Variants in C1orf87 observed in about 807,000 individuals in gnomAD.
C1orf87 encodes the protein chromosome 1 open reading frame 87.
Under a neutral mutation model 60.5 loss-of-function variants are expected in C1orf87, and 58 were observed. The observed-to-expected ratio is 0.96, with a 90% CI of 0.78 to 1.19. The LOEUF is 1.19. Among genes scored for constraint, C1orf87 ranks in the 50% most tolerant of loss-of-function variants. The pLI is 0.00. For synonymous variants in C1orf87, 236 were observed against 227.4 expected, an observed-to-expected ratio of 1.04 and a Z score of -0.34; for missense variants, 673 against 638.6, an observed-to-expected ratio of 1.05 and a Z score of -0.58.
chr1:59,995,950 C>T (rs1490465321), intron 11 of C1orf87, among the ~76,000 whole-genome samples: 2 of 152,212 alleles, frequency 1.3e-5, no homozygotes, highest in Non-Finnish European at 2.9e-5. Flanking sequence ...ATGTCTCATC[C>T]TTTCTGGTTT....
At chr1:59,999,270 G>A (rs1644984869) in intron 10 of C1orf87, among the ~76,000 whole-genome samples, 2 of 152,126 alleles carry the variant, frequency 1.3e-5, no homozygotes, top group South Asian at 4.1e-4. Context: ...CAAACAACCA[G>A]TACGTCTTAA....
At chr1:59,991,870 A>G (rs1381690042) in intron 11 of C1orf87, among the ~76,000 whole-genome samples, 1 of 152,198 alleles carries the variant, frequency 6.6e-6, no homozygotes, top group African/African-American at 2.4e-5. Flanking sequence ...TAACTCACTC[A>G]TAAGCCCCTA....
chr1:60,016,366 A>G (rs1262976679), intron 8 of C1orf87, among the ~76,000 whole-genome samples: 1 of 152,116 alleles, frequency 6.6e-6, no homozygotes, highest in Non-Finnish European at 1.5e-5. Flanking sequence ...CAATCAAGTC[A>G]AGGGGTTATT....
At chr1:60,036,183 TAAAGGAAG>T (rs951816327) in intron 6 of C1orf87, among the ~76,000 whole-genome samples, 4 of 152,142 alleles carry the variant, frequency 2.6e-5, no homozygotes, top group African/African-American at 4.8e-5. Context: ...CCATGAGCCC[TAAAGGAAG>T]AGACTAGGCT....
intron 11 of C1orf87, among the ~76,000 whole-genome samples, chr1:59,993,980 A>T (rs1478642618): frequency 1.3e-5 from 2 of 152,016 alleles, no homozygotes; most frequent in African/African-American, 4.8e-5. Flanking sequence ...GCTGGTCTCG[A>T]ACTCCTGACC....
chr1:60,035,787 G>A lies in C1orf87; in HGVS notation c.864-2146C>T, dbSNP rs139948602. Among the ~76,000 whole-genome samples the A allele has an allele frequency of 7.9e-5, 12 of 152,314 alleles. No individual in the cohort carries two copies. The East Asian group carries it at 2.3e-3, about 29-fold the overall frequency. Reference sequence around the variant, plus strand: ...ATTATTGAGCATCTTCTGTATGCCAGGAACTATGTTAGAACTATGCTAGAC... The same window carrying A: ...ATTATTGAGCATCTTCTGTATGCCAAGAACTATGTTAGAACTATGCTAGAC... On this transcript the variant is annotated intron_variant, in intron 6 of 11. Transcript: ENST00000371201.
chr1:60,058,565 C>T (rs1042440182), intron 2 of C1orf87, among the ~76,000 whole-genome samples: 6 of 152,218 alleles, frequency 3.9e-5, no homozygotes, highest in South Asian at 2.1e-4. Context: ...ATGACAGCCA[C>T]GCTATACTTA....
At chr1:60,071,842 A>G (rs1470222332) in intron 2 of C1orf87, among the ~76,000 whole-genome samples, 1 of 152,236 alleles carries the variant, frequency 6.6e-6, no homozygotes, top group Non-Finnish European at 1.5e-5. Context: ...TAAGGAAATA[A>G]TCTTAGGAAG....
intron 5 of C1orf87, among the ~76,000 whole-genome samples, chr1:60,038,633 G>A (rs1022437695): frequency 2.0e-5 from 3 of 151,950 alleles, no homozygotes; most frequent in Non-Finnish European, 2.9e-5. Flanking sequence ...CCCCACCGCT[G>A]CCCCCACTCT....
intron 11 of C1orf87, among the ~76,000 whole-genome samples, chr1:59,994,800 A>T (rs1644952085): frequency 6.6e-6 from 1 of 152,180 alleles, no homozygotes; most frequent in South Asian, 2.1e-4. Flanking sequence ...ATGCTGGCCT[A>T]CATATTTCTT....
At position 60,051,253 on chromosome 1, in the gene C1orf87, A is replaced by G. The variant is rs377632058; in HGVS notation, c.342+3951T>C. Among the ~76,000 whole-genome samples, 11 of 152,310 alleles carry G rather than the reference A, an allele frequency of 7.2e-5. No homozygotes were observed. In the East Asian group the frequency reaches 1.2e-3, roughly 16 times the overall value. On this transcript the variant is annotated intron_variant, in intron 3 of 11. Transcript: ENST00000371201. Reference sequence around the variant, plus strand: ...AATTGGGATTTAACAAGGGAATTTAAGTGTTTTAAGCAGAGGCTATATCTG... The same window carrying G: ...AATTGGGATTTAACAAGGGAATTTAGGTGTTTTAAGCAGAGGCTATATCTG...
intron 10 of C1orf87, among the ~76,000 whole-genome samples, chr1:59,998,829 G>A (rs1574292414): frequency 1.3e-5 from 2 of 152,134 alleles, no homozygotes; most frequent in South Asian, 4.1e-4. Flanking sequence ...GACAACGAGA[G>A]AAGAAAAAAG....
chr1:59,991,440 A>T (rs2100227736), intron 11 of C1orf87, among the ~76,000 whole-genome samples: 1 of 152,310 alleles, frequency 6.6e-6, no homozygotes, highest in Admixed American at 6.5e-5. Context: ...CCATCTCTAG[A>T]TTACTTGTAA....
intron 9 of C1orf87, among the ~76,000 whole-genome samples, chr1:60,003,088 T>C (rs1177350036): frequency 6.7e-6 from 1 of 148,424 alleles, no homozygotes; most frequent in Non-Finnish European, 1.5e-5. Context: ...CCAACAATGA[T>C]AGACTGGATT....
At position 59,997,799 on chromosome 1, in the gene C1orf87, C is replaced by T. The variant is rs1354261036; in HGVS notation, c.1290G>A (p.Glu430=). 4 of 1,613,586 alleles carry T rather than the reference C, an allele frequency of 2.5e-6. No homozygotes were observed. In the South Asian group the frequency reaches 4.4e-5, roughly 18 times the overall value. ...CAGCAGGAGAGCTTTCTGGCTGCAG[C>T]TCCTCTTCTGGAGTTTTCTACCAAA... ...KTEHMKTPEE[E]LQPESSPAET... Residue 430 remains glutamate (E), a synonymous_variant, in exon 11 of 12, where the codon GAG becomes GAA. Transcript: ENST00000371201.
At chr1:59,990,889 A>C in intron 11 of C1orf87, 56 bp from the exon 12 acceptor site, 1 of 1,543,344 alleles carries the variant, frequency 6.5e-7, no homozygotes, top group Non-Finnish European at 8.9e-7. Context: ...GGGAAAACAG[A>C]GAAAACTATA....
At chr1:60,059,893 A>C (rs1279989033) in intron 2 of C1orf87, among the ~76,000 whole-genome samples, 1 of 152,196 alleles carries the variant, frequency 6.6e-6, no homozygotes, top group Non-Finnish European at 1.5e-5. Flanking sequence ...GCATGTTCTT[A>C]TTTGTAAGTA....
At chr1:59,999,962 A>G (rs1373952353) in intron 10 of C1orf87, among the ~76,000 whole-genome samples, 1 of 152,144 alleles carries the variant, frequency 6.6e-6, no homozygotes, top group African/African-American at 2.4e-5. Flanking sequence ...AGGCTGGGCA[A>G]GAGGTGATTC....
In C1orf87 at chr1:60,024,770, T is replaced by C. The variant is rs56658113; in HGVS notation, c.1127+631A>G. On this transcript the variant is annotated intron_variant, in intron 8 of 11. Transcript: ENST00000371201. The stretch of plus-strand genomic sequence containing the variant: ...TTTCTTCTCCCAGGAGTCATTGTTC[T>C]GTGCTGCTTGCCGTTCGATGTCTGA... Among the ~76,000 whole-genome samples the C allele has an allele frequency of 3.0e-3, 461 of 152,344 alleles. 10 individuals are homozygous for C. The South Asian group carries it at 0.043, about 14-fold the overall frequency.
Sources: gnomAD v4.1 joint callset for allele counts (sites outside exome capture counted in the v4.1 genomes callset) on GRCh38, gnomAD v4.1.1 for gene constraint, MANE v1.5 for transcripts, NCBI Gene and HGNC (gene_info 2026-07-23, HGNC 2026-07-21) for gene names.